Variants in PLA2G4A observed in about 807,000 individuals in gnomAD.
PLA2G4A encodes the protein cytosolic phospholipase A2.
In PLA2G4A, 40 loss-of-function variants were observed where a neutral mutation model predicts 81.9. The observed-to-expected ratio is 0.49, with a 90% CI of 0.38 to 0.64. PLA2G4A has a LOEUF of 0.64. PLA2G4A is among the 30% of genes least tolerant of loss of function. The pLI is 0.00. For missense variants in PLA2G4A, 715 were observed against 905.1 expected (o/e 0.79, Z 2.69); for synonymous variants, 302 against 296.9 (o/e 1.02, Z -0.18).
chr1:186,862,504 G>A (rs960352320), intron 2 of PLA2G4A, among the ~76,000 whole-genome samples: 2 of 152,062 alleles, frequency 1.3e-5, no homozygotes, highest in Admixed American at 6.6e-5. Flanking sequence ...GAGCCATCGC[G>A]CCTGGCCTGA....
At chr1:186,898,344 G>GATA (rs1473255270) in intron 5 of PLA2G4A, among the ~76,000 whole-genome samples, 1 of 152,104 alleles carries the variant, frequency 6.6e-6, no homozygotes, top group Admixed American at 6.5e-5. Flanking sequence ...TAAACAGACA[G>GATA]ATAATAATAA....
rs1213539933 is a variant in PLA2G4A at position 186,909,850 on chromosome 1, T to C, written c.417-1398T>C. Reference sequence around the variant, plus strand: ...GATAGGTTTCCAGAAGTAGAATTATTAGGCCAAAAGGAATCTATGTTCTAA... The same window carrying C: ...GATAGGTTTCCAGAAGTAGAATTATCAGGCCAAAAGGAATCTATGTTCTAA... On this transcript the variant is annotated intron_variant, in intron 6 of 17. Coordinates refer to ENST00000367466, the MANE Select transcript of PLA2G4A (RefSeq NM_024420.3). 3.9e-5 allele frequency among the ~76,000 whole-genome samples: 6 copies of C among 152,122 alleles called. No individual in the cohort carries two copies. In the East Asian group the frequency reaches 9.6e-4, roughly 24 times the overall value.
At chr1:186,874,913 C>G (rs1168847611) in intron 3 of PLA2G4A, among the ~76,000 whole-genome samples, 1 of 152,000 alleles carries the variant, frequency 6.6e-6, no homozygotes, top group Non-Finnish European at 1.5e-5. Flanking sequence ...AACTTCCTGG[C>G]AAGATTTGGA....
intron 2 of PLA2G4A, among the ~76,000 whole-genome samples, chr1:186,863,907 C>A (rs1189150101): frequency 6.6e-6 from 1 of 151,914 alleles, no homozygotes; most frequent in African/African-American, 2.4e-5. Context: ...ATTACAGGTG[C>A]CTGCCACCAC....
At chr1:186,886,635 A>G (rs1653947607) in intron 3 of PLA2G4A, among the ~76,000 whole-genome samples, 1 of 152,196 alleles carries the variant, frequency 6.6e-6, no homozygotes, top group Non-Finnish European at 1.5e-5. Flanking sequence ...TAATTGAAGC[A>G]TAACATTTGA....
At chr1:186,859,967 G>T (rs186977322) in intron 2 of PLA2G4A, among the ~76,000 whole-genome samples, 5 of 152,018 alleles carry the variant, frequency 3.3e-5, no homozygotes, top group Non-Finnish European at 2.9e-5. Flanking sequence ...ATGAGATGTC[G>T]CTACTAGAAA....
chr1:186,830,626 A>AAAAAAAAAAAAAAAAAAAAT, intron 1 of PLA2G4A, among the ~76,000 whole-genome samples: 1 of 151,342 alleles, frequency 6.6e-6, no homozygotes, highest in African/African-American at 2.4e-5. Flanking sequence ...AAAAAAAAAA[A>AAAAAAAAAAAAAAAAAAAAT]AAAAAAGTAA....
At chr1:186,839,958 T>C (rs1651919999) in intron 1 of PLA2G4A, among the ~76,000 whole-genome samples, 1 of 146,244 alleles carries the variant, frequency 6.8e-6, no homozygotes, top group African/African-American at 2.5e-5. Flanking sequence ...TTCAACATAA[T>C]TGACTTCTTT....
chr1:186,831,033 T>C (rs551006316), intron 1 of PLA2G4A, among the ~76,000 whole-genome samples: 173 of 150,530 alleles, frequency 1.1e-3, no homozygotes, highest in Non-Finnish European at 2.1e-3. Context: ...TCTTTCTTTC[T>C]TACTTTTTCT....
chr1:186,830,608 C>CAAAA lies in PLA2G4A; in HGVS notation c.-70+1594_-70+1597dup, dbSNP rs55745208. On this transcript the variant is annotated intron_variant, in intron 1 of 17. Transcript: ENST00000367466. ...GAGCGAAAACAGCGAAGCTCTGTCT[C>CAAAA]AAAAAAAAAAAAAAAAAAAAAAAAG... Among the ~76,000 whole-genome samples the CAAAA allele has an allele frequency of 3.4e-3, 244 of 72,584 alleles. 12 individuals carry two copies. Among genetic ancestry groups the CAAAA allele is most frequent in the African/African-American group, 0.01 (188 of 18,566 alleles). The allele number at this position is 72,584 out of a possible 152,430, so 47.6% of individuals were successfully genotyped here.
intron 1 of PLA2G4A, among the ~76,000 whole-genome samples, chr1:186,841,999 C>G (rs779480518): frequency 1.2e-4 from 18 of 151,206 alleles, no homozygotes; most frequent in Non-Finnish European, 2.1e-4. Flanking sequence ...GCTATGCTCT[C>G]TCCTTTATAA....
At chr1:186,980,081 G>A (rs1475128537) in intron 17 of PLA2G4A, among the ~76,000 whole-genome samples, 1 of 151,388 alleles carries the variant, frequency 6.6e-6, no homozygotes, top group Non-Finnish European at 1.5e-5. Flanking sequence ...CCGAGTAGCT[G>A]GGACTACAGG....
chr1:186,931,034 A>G (rs1204787739), intron 7 of PLA2G4A, among the ~76,000 whole-genome samples: 2 of 152,096 alleles, frequency 1.3e-5, no homozygotes, highest in Admixed American at 6.6e-5. Context: ...TAGCTTCCTT[A>G]CAACTACTGC....
In PLA2G4A at chr1:186,911,280, T is replaced by A; in HGVS notation, c.449T>A (p.Leu150Gln). The change falls in exon 7 of 18, where the codon CTG (leucine) becomes CAG (glutamine). Residue 150 changes from leucine (L) to glutamine (Q), a missense_variant. By Grantham distance (113) the Leu-to-Gln change is moderately radical. Coordinates refer to ENST00000367466, the MANE Select transcript of PLA2G4A (RefSeq NM_024420.3). Reference protein sequence around the residue: ...SCPDLRFSMALCDQEKTFRQQ... With the variant: ...SCPDLRFSMAQCDQEKTFRQQ... ...CCAGACCTACGATTTAGTATGGCTCTGTGTGATCAGGAGAAGACTTTCAGA... is the reference window on the plus strand; with the variant it reads ...CCAGACCTACGATTTAGTATGGCTCAGTGTGATCAGGAGAAGACTTTCAGA... 6.2e-7 allele frequency: 1 copy of A among 1,612,582 alleles called. No individual in the cohort carries two copies. Among genetic ancestry groups the A allele is most frequent in the South Asian group, 1.1e-5 (1 of 91,054 alleles).
chr1:186,884,603 G>A (rs181315676), intron 3 of PLA2G4A, among the ~76,000 whole-genome samples: 105 of 152,224 alleles, frequency 6.9e-4, no homozygotes, highest in Non-Finnish European at 1.1e-3. Context: ...CAGGCTTGGC[G>A]TGGTGGCTCA....
At chr1:186,865,390 C>T (rs187374876) in intron 2 of PLA2G4A, among the ~76,000 whole-genome samples, 1 of 152,074 alleles carries the variant, frequency 6.6e-6, no homozygotes, top group East Asian at 1.9e-4. Flanking sequence ...TGAATAATAG[C>T]AAAATGACTG....
intron 1 of PLA2G4A, among the ~76,000 whole-genome samples, chr1:186,841,967 G>GTAGCT (rs1266603610): frequency 6.6e-6 from 1 of 151,766 alleles, no homozygotes; most frequent in Admixed American, 6.6e-5. Flanking sequence ...TCAGATGAGG[G>GTAGCT]TAGCTGCTCC....
At chr1:186,976,244 G>C (rs1657525945) in intron 15 of PLA2G4A, among the ~76,000 whole-genome samples, 1 of 152,134 alleles carries the variant, frequency 6.6e-6, no homozygotes, top group Admixed American at 6.5e-5. Context: ...CTGTGGAATG[G>C]ATCAACGAGA....
In PLA2G4A at chr1:186,850,034, A is replaced by G. The variant is rs148292855; in HGVS notation, c.-69-4252A>G. On this transcript the variant is annotated intron_variant, in intron 1 of 17. Coordinates refer to ENST00000367466, the MANE Select transcript of PLA2G4A (RefSeq NM_024420.3). ...AGTAGTGGTATGGGGCTGAGGAAGTAGATAGAAATTCAATTTTGCAATCTT... is the reference window on the plus strand; with the variant it reads ...AGTAGTGGTATGGGGCTGAGGAAGTGGATAGAAATTCAATTTTGCAATCTT... Among the ~76,000 whole-genome samples the G allele has an allele frequency of 3.1e-3, 472 of 152,240 alleles. 3 individuals carry two copies. The highest frequency in any genetic ancestry group is 0.011 in the African/African-American group (456 of 41,566).
Sources: allele counts gnomAD v4.1 joint callset (sites outside exome capture counted in the v4.1 genomes callset), GRCh38; gene constraint gnomAD v4.1.1; transcripts MANE v1.5; gene names NCBI Gene and HGNC (gene_info 2026-07-23, HGNC 2026-07-21).